The following MAP4K2 variants were observed in gnomAD, a reference collection of about 807,000 sequenced individuals.
MAP4K2 encodes the protein mitogen-activated protein kinase kinase kinase kinase 2.
MAP4K2 carries 85 observed loss-of-function variants against 125.3 expected under a neutral mutation model. That is an observed-to-expected ratio of 0.68 (90% CI 0.57 to 0.81). The LOEUF (loss-of-function observed/expected upper bound fraction) is 0.81, where lower values mean the gene tolerates loss of function less well. Ranked by LOEUF, MAP4K2 falls within the 40% of genes least tolerant of loss-of-function variation. The pLI, the probability that MAP4K2 is intolerant of heterozygous loss-of-function variation, is 0.00. For missense variants in MAP4K2, 923 were observed against 1,056.4 expected, an observed-to-expected ratio of 0.87 and a Z score of 1.75; for synonymous variants, 479 against 445.1, an observed-to-expected ratio of 1.08 and a Z score of -0.96.
rs1483253941 is a variant in MAP4K2, at chr11:64,785,859, G to C, written c.*3678C>G. ...CCTGCCTCAGTTTCCCAAAGTGCTGGGATTACAGACATGAACCACCATGCC... is the reference window on the plus strand; with the variant it reads ...CCTGCCTCAGTTTCCCAAAGTGCTGCGATTACAGACATGAACCACCATGCC... On this transcript the variant is annotated 3_prime_UTR_variant, in exon 32 of 32. Coordinates refer to ENST00000294066, the MANE Select transcript of MAP4K2 (RefSeq NM_004579.5). 6.6e-6 allele frequency: 1 copy of C among 151,938 alleles called. No homozygotes were observed. Among genetic ancestry groups the C allele is most frequent in the Admixed American group, 6.6e-5 (1 of 15,252 alleles). The allele number at this position is 151,938 out of a possible 1,614,324, so 9.4% of individuals were successfully genotyped here. A position where few individuals can be genotyped will look rare whatever the true frequency, so the allele number is the denominator to read the frequency against.
Position 64,800,908 on chromosome 11 carries a change from G to A in MAP4K2, c.654C>T (p.His218=). 2 of 1,614,058 alleles carry A rather than the reference G, an allele frequency of 1.2e-6. No homozygotes were observed. Among genetic ancestry groups the A allele is most frequent in the Middle Eastern group, 1.6e-4 (1 of 6,062 alleles). Residue 218 remains histidine (H), a synonymous_variant, in exon 9 of 32, where the codon CAC becomes CAT. Coordinates refer to ENST00000294066, the MANE Select transcript of MAP4K2 (RefSeq NM_004579.5). ...GCAAGTGTTGGGCTGACCTCATGGGGTGCAGGTGGAACAGAGGGGGCTGCA... is the reference window on the plus strand; with the variant it reads ...GCAAGTGTTGGGCTGACCTCATGGGATGCAGGTGGAACAGAGGGGGCTGCA... ...GELQPPLFHL[H]PMRALMLMSK...
chr11:64,801,897 G>A (rs1941200738), intron 5 of MAP4K2, 140 bp from the exon 6 acceptor site: 3 of 1,135,192 alleles, frequency 2.6e-6, no homozygotes, highest in South Asian at 2.8e-5. Flanking sequence ...AGCCAAGAGG[G>A]AAATGGACTG....
Position 64,789,541 on chromosome 11 carries a change from T to C in MAP4K2, c.2459A>G (p.Tyr820Cys), listed in dbSNP as rs942121543. The C allele has an allele frequency of 2.5e-6, 4 of 1,581,152 alleles. No individual in the cohort carries two copies. In the African/African-American group the frequency reaches 4.0e-5, roughly 16 times the overall value. The change falls in exon 32 of 32, where the codon TAC becomes TGC. Residue 820 changes from tyrosine (Y) to cysteine (C), a missense_variant. By Grantham distance (194) the Tyr-to-Cys change is radical. Transcript: ENST00000294066. ...LYILTGHQST[Y>C] The stretch of plus-strand genomic sequence containing the variant: ...CCCTGGACAGGCCCGCTGCTCTTAG[T>C]AGGTGCTCTGGTGGCCCGTGAGGAT...
rs1425116978 is a variant in MAP4K2 at position 64,787,396 on chromosome 11, A to C, written c.*2141T>G. On this transcript the variant is annotated 3_prime_UTR_variant, in exon 32 of 32. Coordinates refer to ENST00000294066, the MANE Select transcript of MAP4K2 (RefSeq NM_004579.5). ...GGAATATGTTAATACGTATATAAAA[A>C]ATCGCCAAGAATAAAATATACCAAA... 1 of 152,166 alleles carries C rather than the reference A, an allele frequency of 6.6e-6. No individual in the cohort carries two copies. Among genetic ancestry groups the C allele is most frequent in the African/African-American group, 2.4e-5 (1 of 41,434 alleles). 9.4% of individuals were successfully genotyped at this position (152,166 alleles called of 1,614,324 possible).
At chr11:64,791,049 T>C (rs935845101) in intron 27 of MAP4K2, among the ~76,000 whole-genome samples, 4 of 152,094 alleles carry the variant, frequency 2.6e-5, no homozygotes, top group Admixed American at 6.5e-5. Context: ...GGCAAGAGAA[T>C]AGCTTGAACC....
Position 64,801,564 on chromosome 11 carries a change from C to T in MAP4K2, c.457+15G>A. On this transcript the variant is annotated intron_variant, in intron 7 of 31. Transcript: ENST00000294066. ...CACAGAGCCCTCACCCTGATGGTGT[C>T]CCCAGGGTACTGACCCAGTTTGACA... 6.2e-7 allele frequency: 1 copy of T among 1,613,822 alleles called. No individual in the cohort carries two copies. The highest frequency in any genetic ancestry group is 8.5e-7 in the Non-Finnish European group (1 of 1,179,864).
At chr11:64,799,555 A>C (rs765093815) in intron 13 of MAP4K2, 50 bp downstream of exon 13, 5 of 1,607,718 alleles carry the variant, frequency 3.1e-6, no homozygotes, top group Non-Finnish European at 3.4e-6. Context: ...ATCCATGTGC[A>C]CACAGGCCCC....
chr11:64,799,513 G>C (rs1941029338), intron 13 of MAP4K2, 34 bp from the exon 14 acceptor site: 1 of 1,611,922 alleles, frequency 6.2e-7, no homozygotes, highest in African/African-American at 1.3e-5. Context: ...TGAAGGAGCT[G>C]GAGTCTCAGG....
rs761373464 is a variant in MAP4K2 at position 64,789,874 on chromosome 11, C to T, written c.2319+15G>A. ...CACAAGGCAGGGGACAGCAAGGTCCCTGGGCCCCACTCACCTCATTGGTAT... is the reference window on the plus strand; with the variant it reads ...CACAAGGCAGGGGACAGCAAGGTCCTTGGGCCCCACTCACCTCATTGGTAT... On this transcript the variant is annotated intron_variant, in intron 30 of 31. Coordinates refer to ENST00000294066, the MANE Select transcript of MAP4K2 (RefSeq NM_004579.5). 6.2e-7 allele frequency: 1 copy of T among 1,614,018 alleles called. No homozygotes were observed. The highest frequency in any genetic ancestry group is 8.5e-7 in the Non-Finnish European group (1 of 1,179,990).
In MAP4K2 at chr11:64,785,208, G is replaced by A. The variant is rs553143832; in HGVS notation, c.*4329C>T. 2 of 152,362 alleles carry A rather than the reference G, an allele frequency of 1.3e-5. No homozygotes were observed. Among genetic ancestry groups the A allele is most frequent in the South Asian group, 4.1e-4 (2 of 4,826 alleles). The allele number at this position is 152,362 out of a possible 1,614,324, so 9.4% of individuals were successfully genotyped here. ...ACAGAAAGCAGCACAGTTGTTACTTGGGGATGGGAGGCAAGAAGCAGGAGG... is the reference window on the plus strand; with the variant it reads ...ACAGAAAGCAGCACAGTTGTTACTTAGGGATGGGAGGCAAGAAGCAGGAGG... On this transcript the variant is annotated 3_prime_UTR_variant, in exon 32 of 32. Transcript: ENST00000294066.
At chr11:64,795,496 G>A (rs1170048984) in intron 24 of MAP4K2, among the ~76,000 whole-genome samples, 1 of 151,878 alleles carries the variant, frequency 6.6e-6, no homozygotes, top group African/African-American at 2.4e-5. Flanking sequence ...TGCCTCTCAG[G>A]TTCAAGCGAT....
At position 64,798,947 on chromosome 11, in the gene MAP4K2, G is replaced by A. The variant is rs1940993608; in HGVS notation, c.1054-110C>T. 3.3e-5 allele frequency: 30 copies of A among 914,626 alleles called. No individual in the cohort carries two copies. In the South Asian group the frequency reaches 4.1e-4, roughly 13 times the overall value. 56.7% of individuals were successfully genotyped at this position (914,626 alleles called of 1,614,324 possible). A position where few individuals can be genotyped will look rare whatever the true frequency, so the allele number is the denominator to read the frequency against. On this transcript the variant is annotated intron_variant, in intron 14 of 31. Coordinates refer to ENST00000294066, the MANE Select transcript of MAP4K2 (RefSeq NM_004579.5). ...GACAGACAGACAGACAGACGGGAAA[G>A]GTGAGATGGAAACACACAGAAGATG...
Position 64,788,945 on chromosome 11 carries a change from A to G in MAP4K2, c.*592T>C, listed in dbSNP as rs1940316833. 6.4e-6 allele frequency: 1 copy of G among 157,472 alleles called. No individual in the cohort carries two copies. Among genetic ancestry groups the G allele is most frequent in the East Asian group, 1.9e-4 (1 of 5,260 alleles). 9.8% of individuals were successfully genotyped at this position (157,472 alleles called of 1,614,324 possible). On this transcript the variant is annotated 3_prime_UTR_variant, in exon 32 of 32. Transcript: ENST00000294066. ...ACTGCAAAGCTGAGGGTCAGTTCTG[A>G]GCAAGGATGCAGGGGAAGGCACAGT...
Position 64,797,388 on chromosome 11 carries a change from G to C in MAP4K2, c.1171-8C>G. ...GTCTGGGGAGTCCAGCTCCTGGTAG[G>C]AGGGGCAGGGCCCAGCCCGGCCGTT... On this transcript the variant is annotated splice_polypyrimidine_tract_variant and splice_region_variant and intron_variant, in intron 17 of 31. Transcript: ENST00000294066. 6.4e-7 allele frequency: 1 copy of C among 1,574,632 alleles called. No homozygotes were observed.
rs1241192507 is a variant in MAP4K2 at position 64,792,287 on chromosome 11, G to A, written c.1811-12C>T. ...GTAGGGGTTCCGCACTGGCAGGGGAGCAGGCAGTGGGCACCGGGCTGGGCC... is the reference window on the plus strand; with the variant it reads ...GTAGGGGTTCCGCACTGGCAGGGGAACAGGCAGTGGGCACCGGGCTGGGCC... On this transcript the variant is annotated splice_polypyrimidine_tract_variant and intron_variant, in intron 25 of 31. Transcript: ENST00000294066. The A allele has an allele frequency of 2.5e-6, 4 of 1,604,444 alleles. No homozygotes were observed. The highest frequency in any genetic ancestry group is 3.4e-6 in the Non-Finnish European group (4 of 1,176,042).
In MAP4K2 at chr11:64,801,752, G is replaced by C. The variant is rs547808203; in HGVS notation, c.372C>G (p.Leu124=). The change falls in exon 6 of 32, where the codon CTC becomes CTG. Residue 124 remains leucine (L), a synonymous_variant. Transcript: ENST00000294066. ...TCTTCCCCTGAGAATGCAGGTGGTG[G>C]AGCCCCTGGCGACAAAGAGGAGTCC... The part of the protein sequence containing the change: ...AYVCREALKG[L]HHLHSQGKIH... 1.4e-4 allele frequency: 233 copies of C among 1,613,294 alleles called. 6 individuals are homozygous for C. The South Asian group carries it at 2.5e-3, about 17-fold the overall frequency.
rs1941285384 is a variant in MAP4K2 at position 64,802,655 on chromosome 11, T to G, written c.155-2A>C. ...GCTGGAGGGAGCTGATGTCGTCCCC[T>G]GGGAAGCACAAAGCATCATGGGGAA... On this transcript the variant is annotated splice_acceptor_variant, in intron 2 of 31. Coordinates refer to ENST00000294066, the MANE Select transcript of MAP4K2 (RefSeq NM_004579.5). LOFTEE classifies it high-confidence loss of function. 3.1e-6 allele frequency: 5 copies of G among 1,612,090 alleles called. No homozygotes were observed. The highest frequency in any genetic ancestry group is 4.2e-6 in the Non-Finnish European group (5 of 1,179,270).
At position 64,799,622 on chromosome 11, in the gene MAP4K2, G is replaced by T; in HGVS notation, c.977C>A (p.Thr326Asn). ...SRGQHGPAER[T>N]PSEIQFHQVK... Reference sequence around the variant, plus strand: ...AGACTCACACTGGATCTCCGAGGGGGTCCTCTCGGCTGGGCCGTGCTGCCC... The same window carrying T: ...AGACTCACACTGGATCTCCGAGGGGTTCCTCTCGGCTGGGCCGTGCTGCCC... Residue 326 changes from threonine to asparagine, a missense_variant, in exon 13 of 32, where the codon ACC becomes AAC. Transcript: ENST00000294066. 6.2e-7 allele frequency: 1 copy of T among 1,614,068 alleles called. No individual in the cohort carries two copies. Among genetic ancestry groups the T allele is most frequent in the South Asian group, 1.1e-5 (1 of 91,082 alleles).
intron 27 of MAP4K2, among the ~76,000 whole-genome samples, chr11:64,790,778 G>C (rs1418852156): frequency 6.6e-6 from 1 of 152,206 alleles, no homozygotes; most frequent in Non-Finnish European, 1.5e-5. Context: ...ACCTCTCGGA[G>C]CCTCTGTTTC....
Sources: allele counts gnomAD v4.1 joint callset (sites outside exome capture counted in the v4.1 genomes callset), GRCh38; gene constraint gnomAD v4.1.1; transcripts MANE v1.5; gene names NCBI Gene and HGNC (gene_info 2026-07-23, HGNC 2026-07-21).